BAZ2B: variants seen among roughly 807,000 people sequenced by gnomAD.
The protein encoded by BAZ2B is bromodomain adjacent to zinc finger domain 2B, also known as bromodomain adjacent to zinc finger domain protein 2B.
BAZ2B carries 91 observed loss-of-function variants against 246.0 expected under a neutral mutation model. The ratio of observed to expected loss-of-function variants is 0.37; its 90% CI spans 0.31 to 0.44. BAZ2B has a LOEUF of 0.44. Among genes scored for constraint, BAZ2B ranks in the 20% least tolerant of loss-of-function variants. The probability of loss-of-function intolerance (pLI) is 1.00; values close to 1 mark genes in which losing one functional copy is unlikely to be tolerated. For synonymous variants in BAZ2B, 855 were observed against 860.0 expected (o/e 0.99, Z 0.10); for missense variants, 2,332 against 2,533.7 (o/e 0.92, Z 1.71).
At position 159,348,671 on chromosome 2, in the gene BAZ2B, T is replaced by C. The variant is rs2058238437; in HGVS notation, c.5293+7A>G. 1.9e-6 allele frequency: 3 copies of C among 1,588,430 alleles called. No homozygotes were observed. Among genetic ancestry groups the C allele is most frequent in the Admixed American group, 1.9e-5 (1 of 52,058 alleles). On this transcript the variant is annotated splice_region_variant and intron_variant, in intron 30 of 36. Transcript: ENST00000392783. ...AAAGAAAGCTGAAATATCTTTTAGG[T>C]ACACACCATCCTTATTCTTGAGGCA...
chr2:159,604,944 G>GTGTGTA (rs1375232840), intron 1 of BAZ2B, among the ~76,000 whole-genome samples: 1 of 129,218 alleles, frequency 7.7e-6, no homozygotes, highest in African/African-American at 2.6e-5. Context: ...GTGTGTGTGT[G>GTGTGTA]TGTGTGTGCG....
At chr2:159,323,970 G>A (rs183166556) in intron 36 of BAZ2B, among the ~76,000 whole-genome samples, 35 of 152,076 alleles carry the variant, frequency 2.3e-4, no homozygotes, top group Non-Finnish European at 3.7e-4. Flanking sequence ...ACCTTTGGAC[G>A]GCTGTTATTT....
rs2063479163 is a variant in BAZ2B, at chr2:159,325,120, T to TATATATATATAG, written c.6210-167_6210-166insCTATATATATAT. On this transcript the variant is annotated intron_variant, in intron 35 of 36. Transcript: ENST00000392783. Reference sequence around the variant, plus strand: ...TATATATATATATATATATATTTTATATATATATATATATATATATATATA... The same window carrying TATATATATATAG: ...TATATATATATATATATATATTTTATATATATATATAGATATATATATATATATATATATATA... Among the ~76,000 whole-genome samples the TATATATATATAG allele has an allele frequency of 9.6e-5, 2 of 20,728 alleles. 1 individual carries two copies. Among genetic ancestry groups the TATATATATATAG allele is most frequent in the African/African-American group, 5.2e-4 (2 of 3,810 alleles). 13.6% of individuals were successfully genotyped at this position (20,728 alleles called of 152,430 possible).
intron 32 of BAZ2B, among the ~76,000 whole-genome samples, 160 bp from the exon 33 acceptor site, chr2:159,337,237 G>C (rs1194491922): frequency 1.3e-5 from 2 of 152,170 alleles, no homozygotes; most frequent in Non-Finnish European, 2.9e-5. Context: ...CACAGACTGT[G>C]GCTACGTGCC....
chr2:159,382,521 A>G (rs2062113335), intron 25 of BAZ2B, 38 bp downstream of exon 25: 1 of 1,526,950 alleles, frequency 6.5e-7, no homozygotes, highest in Admixed American at 2.0e-5. Context: ...TATGTTATGC[A>G]GTTCTAGTTG....
At position 159,574,150 on chromosome 2, in the gene BAZ2B, C is replaced by T. The variant is rs199907832; in HGVS notation, c.-45-18285G>A. On this transcript the variant is annotated intron_variant, in intron 1 of 36. Transcript: ENST00000392783. The stretch of plus-strand genomic sequence containing the variant: ...ACACACACACACACACATACACACA[C>T]ACACACACACACACACACACACAGC... 2.1e-4 allele frequency among the ~76,000 whole-genome samples: 31 copies of T among 147,396 alleles called. No individual in the cohort carries two copies. In the South Asian group the frequency reaches 2.1e-3, roughly 10 times the overall value.
intron 6 of BAZ2B, among the ~76,000 whole-genome samples, chr2:159,439,745 T>C (rs2073035677): frequency 6.6e-6 from 1 of 152,114 alleles, no homozygotes; most frequent in Admixed American, 6.6e-5. Context: ...TTATTCCATA[T>C]AATAATAAGT....
At chr2:159,426,299 T>C in intron 13 of BAZ2B, among the ~76,000 whole-genome samples, 1 of 152,190 alleles carries the variant, frequency 6.6e-6, no homozygotes, top group East Asian at 1.9e-4. Flanking sequence ...ATATGCTAAA[T>C]AGCAATTAGC....
chr2:159,620,913 T>C (rs553998769), upstream of BAZ2B, among the ~76,000 whole-genome samples: 1 of 152,250 alleles, frequency 6.6e-6, no homozygotes, highest in Non-Finnish European at 1.5e-5. Context: ...GTATAGGCAG[T>C]GCAAATGATA....
intron 2 of BAZ2B, among the ~76,000 whole-genome samples, chr2:159,549,373 C>T (rs143806591): frequency 3.5e-4 from 53 of 152,302 alleles, no homozygotes; most frequent in African/African-American, 1.1e-3. Context: ...TTTCCTCTTT[C>T]TAGACTCTCT....
Position 159,395,824 on chromosome 2 carries a change from CG to C in BAZ2B, c.3019del (p.Arg1007GlufsTer6), listed in dbSNP as rs780605579. 2 of 1,610,786 alleles carry C rather than the reference CG, an allele frequency of 1.2e-6. No individual in the cohort carries two copies. The highest frequency in any genetic ancestry group is 1.7e-6 in the Non-Finnish European group (2 of 1,178,186). On this transcript the variant is annotated frameshift_variant, in exon 20 of 37. Transcript: ENST00000392783. LOFTEE classifies it high-confidence loss of function. ...CATAAGCATCATGTGTTGTCGCCTTCGCTCTCGTTCCTATTAGGCCAGATAA... is the reference window on the plus strand; with the variant it reads ...CATAAGCATCATGTGTTGTCGCCTTCCTCTCGTTCCTATTAGGCCAGATAA... ...AVLLKHQERE[R>X]RRQHMMLMKA...
the BAZ2B span, among the ~76,000 whole-genome samples, chr2:159,649,089 T>G: frequency 1.3e-5 from 2 of 152,230 alleles, no homozygotes; most frequent in African/African-American, 4.8e-5. Context: ...TGAGCATTTT[T>G]ATATGTTTAT....
At chr2:159,699,379 T>C in the BAZ2B span, among the ~76,000 whole-genome samples, 7 of 151,846 alleles carry the variant, frequency 4.6e-5, no homozygotes, top group Non-Finnish European at 8.8e-5. Flanking sequence ...CCCACCTTTT[T>C]TAAAAAAATG....
intron 31 of BAZ2B, 80 bp downstream of exon 31, chr2:159,347,406 C>A: frequency 7.1e-7 from 1 of 1,408,782 alleles, no homozygotes; most frequent in Middle Eastern, 1.8e-4. Context: ...AGCACATTAA[C>A]TAGCATATAT....
chr2:159,321,156 T>G (rs1323423183), intron 36 of BAZ2B, among the ~76,000 whole-genome samples: 4 of 152,234 alleles, frequency 2.6e-5, no homozygotes, highest in Non-Finnish European at 5.9e-5. Context: ...CTGCATAAGC[T>G]TATTAGTAAG....
upstream of BAZ2B, among the ~76,000 whole-genome samples, chr2:159,617,372 T>C (rs68112803): frequency 0.14 from 20,942 of 151,892 alleles, 1,662 homozygotes; most frequent in East Asian, 0.36. Context: ...AAAGATACAA[T>C]AGGCCCCATT....
At chr2:159,468,574 C>G (rs2077372596) in intron 3 of BAZ2B, among the ~76,000 whole-genome samples, 1 of 151,932 alleles carries the variant, frequency 6.6e-6, no homozygotes, top group Non-Finnish European at 1.5e-5. Flanking sequence ...TACCCATCAG[C>G]CAAAGAAGAA....
At chr2:159,522,834 G>C (rs1190758545) in intron 2 of BAZ2B, among the ~76,000 whole-genome samples, 1 of 151,990 alleles carries the variant, frequency 6.6e-6, no homozygotes. Context: ...ACGAGTATCT[G>C]TGCAATACCA....
chr2:159,394,520 A>C (rs76620931), intron 20 of BAZ2B, among the ~76,000 whole-genome samples: 119 of 152,328 alleles, frequency 7.8e-4, no homozygotes, highest in African/African-American at 2.7e-3. Context: ...AAAGTGTTGG[A>C]GTAAAACTTC....
Sources: gnomAD v4.1 joint callset for allele counts (sites outside exome capture counted in the v4.1 genomes callset) on GRCh38, gnomAD v4.1.1 for gene constraint, MANE v1.5 for transcripts, NCBI Gene and HGNC (gene_info 2026-07-23, HGNC 2026-07-21) for gene names.